The following DCC variants were observed in gnomAD, a reference collection of about 807,000 sequenced individuals.
DCC encodes DCC netrin 1 receptor, also known as netrin receptor DCC.
DCC carries 58 observed loss-of-function variants against 172.5 expected under a neutral mutation model. The ratio of observed to expected loss-of-function variants is 0.34; its 90% CI spans 0.27 to 0.42. DCC has a LOEUF of 0.42. Among genes scored for constraint, DCC ranks in the 10% least tolerant of loss-of-function variants. DCC has a pLI of 1.00. For missense variants in DCC, 1,740 were observed against 1,791.0 expected, an observed-to-expected ratio of 0.97 and a Z score of 0.51; for synonymous variants, 709 against 644.5, an observed-to-expected ratio of 1.10 and a Z score of -1.52.
At chr18:52,425,327 C>A (rs2144447654) in intron 1 of DCC, among the ~76,000 whole-genome samples, 1 of 152,216 alleles carries the variant, frequency 6.6e-6, no homozygotes, top group African/African-American at 2.4e-5. Flanking sequence ...AGATAGATCC[C>A]TGAGTGTCAC....
At chr18:53,424,767 G>A (rs1599133391) in intron 21 of DCC, among the ~76,000 whole-genome samples, 2 of 152,172 alleles carry the variant, frequency 1.3e-5, no homozygotes, top group African/African-American at 4.8e-5. Context: ...AATTTGCTCA[G>A]GCACAAACAT....
chr18:52,658,841 T>G (rs1003606684), intron 1 of DCC, among the ~76,000 whole-genome samples: 7 of 152,150 alleles, frequency 4.6e-5, no homozygotes, highest in Admixed American at 4.6e-4. Flanking sequence ...GATATTTAAA[T>G]TTTCATGTGA....
chr18:52,903,229 AG>A (rs1156539731), intron 2 of DCC, among the ~76,000 whole-genome samples: 1 of 152,158 alleles, frequency 6.6e-6, no homozygotes, highest in Admixed American at 6.5e-5. Context: ...TTTTTGAGAC[AG>A]GTTCTCACTC....
At chr18:53,487,224 A>G (rs1260706497) in intron 26 of DCC, among the ~76,000 whole-genome samples, 1 of 152,300 alleles carries the variant, frequency 6.6e-6, no homozygotes. Context: ...CCATCAAACA[A>G]TGATGTGATG....
chr18:52,760,978 CTTTATA>C (rs567555878), intron 2 of DCC, among the ~76,000 whole-genome samples: 205 of 152,234 alleles, frequency 1.3e-3, no homozygotes, highest in African/African-American at 4.7e-3. Context: ...TGTTAACAGT[CTTTATA>C]TTTATAATCT....
intron 5 of DCC, among the ~76,000 whole-genome samples, chr18:52,952,554 A>G (rs1231053794): frequency 6.6e-6 from 1 of 152,224 alleles, no homozygotes; most frequent in Non-Finnish European, 1.5e-5. Flanking sequence ...AAGTTACTGC[A>G]TTCATTGTAT....
intron 8 of DCC, among the ~76,000 whole-genome samples, chr18:53,174,718 T>C (rs2055063989): frequency 6.8e-6 from 1 of 146,906 alleles, no homozygotes; most frequent in South Asian, 2.3e-4. Context: ...CAGGACCAGA[T>C]GGATTCACAG....
chr18:52,746,100 T>C (rs1412782219), intron 1 of DCC, among the ~76,000 whole-genome samples: 15 of 152,226 alleles, frequency 9.9e-5, no homozygotes, highest in Non-Finnish European at 4.4e-5. Flanking sequence ...ATTTGATAAA[T>C]TGAAAGTAGA....
intron 2 of DCC, among the ~76,000 whole-genome samples, chr18:52,806,593 G>T (rs552258304): frequency 6.6e-6 from 1 of 152,160 alleles, no homozygotes; most frequent in African/African-American, 2.4e-5. Context: ...CAGATAAAGG[G>T]CATCTTTAAT....
intron 2 of DCC, among the ~76,000 whole-genome samples, chr18:52,797,873 G>C (rs986330076): frequency 2.4e-4 from 37 of 152,208 alleles, no homozygotes; most frequent in African/African-American, 8.9e-4. Context: ...GGAAAGGCTG[G>C]CTGGTTCTCA....
At chr18:53,197,308 A>T (rs565821216) in intron 9 of DCC, among the ~76,000 whole-genome samples, 1 of 152,104 alleles carries the variant, frequency 6.6e-6, no homozygotes, top group South Asian at 2.1e-4. Context: ...TAATAAAGGG[A>T]TAGAATCAGC....
intron 12 of DCC, among the ~76,000 whole-genome samples, chr18:53,231,986 GA>G: frequency 6.6e-6 from 1 of 151,992 alleles, no homozygotes; most frequent in Non-Finnish European, 1.5e-5. Context: ...TAATGACAGG[GA>G]TATTTTTGTC....
chr18:53,139,044 C>T (rs2043790931), intron 7 of DCC, among the ~76,000 whole-genome samples: 1 of 152,086 alleles, frequency 6.6e-6, no homozygotes, highest in African/African-American at 2.4e-5. Context: ...TATTTGTGAC[C>T]TTGGGTGTAC....
At chr18:52,922,387 A>T (rs8093988) in intron 3 of DCC, among the ~76,000 whole-genome samples, 59,672 of 151,934 alleles carry the variant, frequency 0.39, 12,325 homozygotes, top group Non-Finnish European at 0.47. Context: ...GATAATGTCA[A>T]ATATGTCCTA....
At chr18:52,575,460 C>A (rs1167672660) in intron 1 of DCC, among the ~76,000 whole-genome samples, 1 of 152,104 alleles carries the variant, frequency 6.6e-6, no homozygotes, top group Non-Finnish European at 1.5e-5. Flanking sequence ...ATAAAATGTT[C>A]TATTTTGTAC....
At chr18:53,378,026 A>G (rs917842943) in intron 15 of DCC, among the ~76,000 whole-genome samples, 23 of 152,192 alleles carry the variant, frequency 1.5e-4, no homozygotes, top group Admixed American at 9.8e-4. Flanking sequence ...CAGTGGCGCA[A>G]TCTCAGCTCA....
chr18:52,962,942 C>G (rs911484953), intron 5 of DCC, among the ~76,000 whole-genome samples: 7 of 118,220 alleles, frequency 5.9e-5, no homozygotes, highest in African/African-American at 6.8e-5. Context: ...ACATCACACT[C>G]TAGGGACTGT....
chr18:53,179,115 G>C lies in DCC; in HGVS notation c.1572G>C (p.Glu524Asp), dbSNP rs148634700. Residue 524 changes from glutamate (E) to aspartate (D), a missense_variant and splice_region_variant, in exon 9 of 29, where the codon GAG becomes GAC. Transcript: ENST00000442544. ...SQPIKVATQP[E>D]LQVPGPVENL... The stretch of plus-strand genomic sequence containing the variant: ...CCATCAAGGTGGCCACACAGCCTGA[G>C]TGTGAGTATGAAAAGGAACGGGCCA... 1 of 1,613,540 alleles carries C rather than the reference G, an allele frequency of 6.2e-7. No homozygotes were observed. The highest frequency in any genetic ancestry group is 8.5e-7 in the Non-Finnish European group (1 of 1,179,756).
intron 7 of DCC, among the ~76,000 whole-genome samples, chr18:53,153,498 G>T (rs181106108): frequency 1.3e-5 from 2 of 152,194 alleles, no homozygotes; most frequent in East Asian, 3.9e-4. Flanking sequence ...CACCCTGGCC[G>T]ACATGAGATA....
Sources: gnomAD v4.1 joint callset for allele counts (sites outside exome capture counted in the v4.1 genomes callset) on GRCh38, gnomAD v4.1.1 for gene constraint, MANE v1.5 for transcripts, NCBI Gene and HGNC (gene_info 2026-07-23, HGNC 2026-07-21) for gene names.